The following SH3RF3 variants were observed in gnomAD, a reference collection of about 807,000 sequenced individuals.
SH3RF3 encodes the protein E3 ubiquitin-protein ligase SH3RF3.
SH3RF3 carries 29 observed loss-of-function variants against 66.3 expected under a neutral mutation model. The observed-to-expected ratio is 0.44, with a 90% CI of 0.33 to 0.60. The LOEUF (loss-of-function observed/expected upper bound fraction) is 0.60, where lower values mean the gene tolerates loss of function less well. SH3RF3 is among the 20% of genes least tolerant of loss of function. The probability of loss-of-function intolerance (pLI) is 0.04; values close to 1 mark genes in which losing one functional copy is unlikely to be tolerated. For missense variants in SH3RF3, 1,194 were observed against 1,190.9 expected (o/e 1.00, Z -0.04); for synonymous variants, 583 against 532.0 (o/e 1.10, Z -1.32).
At chr2:109,278,098 G>A (rs1255132609) in intron 1 of SH3RF3, among the ~76,000 whole-genome samples, 2 of 151,746 alleles carry the variant, frequency 1.3e-5, no homozygotes, top group Non-Finnish European at 2.9e-5. Context: ...GATGGCTTGA[G>A]CCCAGGAGGT....
intron 1 of SH3RF3, among the ~76,000 whole-genome samples, chr2:109,215,948 G>A (rs753717299): frequency 6.6e-6 from 1 of 152,214 alleles, no homozygotes; most frequent in Non-Finnish European, 1.5e-5. Context: ...CAGCGGCCAC[G>A]TGAGCTGGGT....
In SH3RF3 at chr2:109,436,915, C is replaced by T. The variant is rs112913884; in HGVS notation, c.1597C>T (p.Pro533Ser). Residue 533 changes from proline (P) to serine (S), a missense_variant, in exon 7 of 10, where the codon CCG becomes TCG. Coordinates refer to ENST00000309415, the MANE Select transcript of SH3RF3 (RefSeq NM_001099289.3). ...CAGGGTGCCTGCAGGAGGGGCAGGG[C>T]CGCCCCGGAATAATGTAGTCGGAGG... ...VSRVPAGGAG[P>S]PRNNVVGGSP... is the part of the protein sequence containing the mutation. 1.2e-6 allele frequency: 2 copies of T among 1,613,506 alleles called. No homozygotes were observed. The highest frequency in any genetic ancestry group is 2.2e-5 in the East Asian group (1 of 44,876).
chr2:109,301,607 G>T (rs984275109), intron 1 of SH3RF3, among the ~76,000 whole-genome samples: 1 of 152,168 alleles, frequency 6.6e-6, no homozygotes, highest in African/African-American at 2.4e-5. Flanking sequence ...CAGGGCCTCT[G>T]TGGGCTCAGA....
chr2:109,177,576 TAG>T (rs1677951521), intron 1 of SH3RF3, among the ~76,000 whole-genome samples: 3 of 151,900 alleles, frequency 2.0e-5, no homozygotes, highest in Non-Finnish European at 4.4e-5. Flanking sequence ...CCTACAAAGT[TAG>T]TATCAGTGGT....
rs200172316 is a variant in SH3RF3 at position 109,398,893 on chromosome 2, G to A, written c.1249G>A (p.Ala417Thr). ...VLISSSDPRA[A>T]ARIGDLAHLS... ...GATCAGCTCCAGCGATCCCCGAGCC[G>A]CGGCCAGGATTGGAGACCTTGCTCA... Residue 417 changes from alanine to threonine, a missense_variant, in exon 4 of 10, where the codon GCG (alanine) becomes ACG (threonine). Coordinates refer to ENST00000309415, the MANE Select transcript of SH3RF3 (RefSeq NM_001099289.3). 3.3e-5 allele frequency: 53 copies of A among 1,613,490 alleles called. No individual in the cohort carries two copies. The highest frequency in any genetic ancestry group is 4.2e-5 in the Non-Finnish European group (49 of 1,179,882).
intron 1 of SH3RF3, among the ~76,000 whole-genome samples, chr2:109,227,850 C>T (rs186672864): frequency 2.6e-5 from 4 of 152,338 alleles, no homozygotes; most frequent in East Asian, 1.9e-4. Context: ...CTTGGCCCTT[C>T]GGTCGCTCCG....
At chr2:109,278,909 G>A (rs1236630741) in intron 1 of SH3RF3, among the ~76,000 whole-genome samples, 2 of 152,220 alleles carry the variant, frequency 1.3e-5, no homozygotes, top group Non-Finnish European at 2.9e-5. Context: ...TTGCTGGGCA[G>A]TAGTACACCC....
intron 1 of SH3RF3, among the ~76,000 whole-genome samples, chr2:109,194,600 G>A (rs1383855150): frequency 6.6e-6 from 1 of 152,186 alleles, no homozygotes; most frequent in Non-Finnish European, 1.5e-5. Flanking sequence ...GGGAGGGCAG[G>A]CACATATGCA....
At chr2:109,425,259 G>A (rs1052753449) in intron 5 of SH3RF3, among the ~76,000 whole-genome samples, 6 of 152,376 alleles carry the variant, frequency 3.9e-5, no homozygotes, top group Middle Eastern at 3.4e-3. Flanking sequence ...AAAGAAAGAA[G>A]CCATCTCTGC....
At chr2:109,416,337 G>A (rs971092646) in intron 4 of SH3RF3, among the ~76,000 whole-genome samples, 3 of 151,998 alleles carry the variant, frequency 2.0e-5, no homozygotes, top group East Asian at 2.0e-4. Context: ...GCTCATGCCT[G>A]TAATCCCAGC....
intron 3 of SH3RF3, among the ~76,000 whole-genome samples, chr2:109,374,100 C>G (rs1330814532): frequency 6.6e-6 from 1 of 152,204 alleles, no homozygotes; most frequent in Non-Finnish European, 1.5e-5. Context: ...GGCTCCATAG[C>G]CCCACCTGCC....
intron 8 of SH3RF3, among the ~76,000 whole-genome samples, chr2:109,479,161 G>A (rs1431473972): frequency 1.3e-5 from 2 of 152,182 alleles, no homozygotes; most frequent in African/African-American, 4.8e-5. Context: ...GGTTCCGAGA[G>A]TGAGTGCACG....
chr2:109,402,540 G>A (rs1418892436), intron 4 of SH3RF3, among the ~76,000 whole-genome samples: 4 of 152,194 alleles, frequency 2.6e-5, no homozygotes, highest in Non-Finnish European at 4.4e-5. Flanking sequence ...CAGGCTCCTC[G>A]GTGCCTACAG....
At chr2:109,364,817 G>A (rs768832874) in intron 2 of SH3RF3, among the ~76,000 whole-genome samples, 9 of 152,326 alleles carry the variant, frequency 5.9e-5, no homozygotes, top group African/African-American at 1.7e-4. Context: ...GGGGCCAGAT[G>A]TGGTGGCTCA....
chr2:109,342,370 A>AT (rs1208091840), intron 1 of SH3RF3, among the ~76,000 whole-genome samples: 1 of 152,212 alleles, frequency 6.6e-6, no homozygotes, highest in African/African-American at 2.4e-5. Flanking sequence ...CGTTCAGTAG[A>AT]TATATGGAGC....
At chr2:109,437,269 C>T in intron 7 of SH3RF3, 123 bp downstream of exon 7, 1 of 1,402,700 alleles carries the variant, frequency 7.1e-7, no homozygotes, top group Non-Finnish European at 9.5e-7. Flanking sequence ...AGCTTCATGG[C>T]AGCTGGAGAA....
intron 4 of SH3RF3, among the ~76,000 whole-genome samples, chr2:109,416,573 C>T (rs1002772730): frequency 2.4e-4 from 36 of 151,598 alleles, no homozygotes; most frequent in Admixed American, 2.4e-3. Flanking sequence ...TTAGTAGAGA[C>T]GGGGTTTCAC....
chr2:109,238,024 G>A (rs57038644), intron 1 of SH3RF3, among the ~76,000 whole-genome samples: 21,853 of 152,088 alleles, frequency 0.14, 3,181 homozygotes, highest in African/African-American at 0.36. Context: ...TGGGAAACAT[G>A]ATGAGGCCCC....
rs1677591486 is a variant in SH3RF3 at position 109,165,184 on chromosome 2, C to T, written c.573+35071C>T. Among the ~76,000 whole-genome samples, 3 of 111,170 alleles carry T rather than the reference C, an allele frequency of 2.7e-5. No individual in the cohort carries two copies. The South Asian group carries it at 1.2e-3, about 43-fold the overall frequency. 72.9% of individuals were successfully genotyped at this position (111,170 alleles called of 152,430 possible). On this transcript the variant is annotated intron_variant, in intron 1 of 9. Coordinates refer to ENST00000309415, the MANE Select transcript of SH3RF3 (RefSeq NM_001099289.3). Reference sequence around the variant, plus strand: ...TGCTGCCTAAGCCACATTAAATCATCACCCTCAAAAGCTGAGGGAAGACTG... The same window carrying T: ...TGCTGCCTAAGCCACATTAAATCATTACCCTCAAAAGCTGAGGGAAGACTG...
Sources: allele counts gnomAD v4.1 joint callset (sites outside exome capture counted in the v4.1 genomes callset), GRCh38; gene constraint gnomAD v4.1.1; transcripts MANE v1.5; gene names NCBI Gene and HGNC (gene_info 2026-07-23, HGNC 2026-07-21).